The following PKHD1 variants were observed in gnomAD, a reference collection of about 807,000 sequenced individuals.
The protein encoded by PKHD1 is fibrocystin.
PKHD1 carries 291 observed loss-of-function variants against 412.0 expected under a neutral mutation model. That is an observed-to-expected ratio of 0.71 (90% CI 0.64 to 0.78). PKHD1 has a LOEUF of 0.78. PKHD1 is among the 30% of genes least tolerant of loss of function. PKHD1 has a pLI of 0.00. For missense variants in PKHD1, 4,825 were observed against 4,950.7 expected (o/e 0.97, Z 0.76); for synonymous variants, 1,777 against 1,821.5 (o/e 0.98, Z 0.62).
At chr6:51,685,114 G>A (rs2766122) in intron 60 of PKHD1, among the ~76,000 whole-genome samples, 8,649 of 152,032 alleles carry the variant, frequency 0.057, 303 homozygotes, top group Non-Finnish European at 0.081. Flanking sequence ...TAGTTTTCTG[G>A]GTCAATAGAA....
At chr6:51,792,037 A>T (rs540337522) in intron 52 of PKHD1, among the ~76,000 whole-genome samples, 1 of 152,290 alleles carries the variant, frequency 6.6e-6, no homozygotes, top group African/African-American at 2.4e-5. Context: ...TATTATTTTT[A>T]CTGTTGTCCC....
chr6:52,061,198 T>G lies in PKHD1; in HGVS notation c.1119-1156A>C, dbSNP rs372789553. On this transcript the variant is annotated intron_variant, in intron 14 of 66. Transcript: ENST00000371117. ...AACTGCCACATTTTTGTTTATTTGTTTCTTTGTTTAAAGACAGAGTCTCAC... is the reference window on the plus strand; with the variant it reads ...AACTGCCACATTTTTGTTTATTTGTGTCTTTGTTTAAAGACAGAGTCTCAC... Among the ~76,000 whole-genome samples, 26 of 152,276 alleles carry G rather than the reference T, an allele frequency of 1.7e-4. No individual in the cohort carries two copies. The East Asian group carries it at 1.9e-3, about 11-fold the overall frequency.
At chr6:52,042,087 A>G (rs903564277) in intron 27 of PKHD1, among the ~76,000 whole-genome samples, 3 of 152,206 alleles carry the variant, frequency 2.0e-5, no homozygotes, top group Admixed American at 1.3e-4. Flanking sequence ...TGAGCTCCAT[A>G]TATCATCTGA....
intron 60 of PKHD1, among the ~76,000 whole-genome samples, chr6:51,700,830 A>C (rs532311847): frequency 6.6e-6 from 1 of 152,240 alleles, no homozygotes; most frequent in South Asian, 2.1e-4. Context: ...TAGGCAAGCA[A>C]CTCAAAGAGT....
At chr6:52,047,295 G>A (rs1474318734) in intron 23 of PKHD1, among the ~76,000 whole-genome samples, 1 of 152,060 alleles carries the variant, frequency 6.6e-6, no homozygotes, top group Non-Finnish European at 1.5e-5. Flanking sequence ...TCAACACCTA[G>A]GGATCTTCGA....
intron 11 of PKHD1, among the ~76,000 whole-genome samples, chr6:52,068,736 C>T (rs1001599536): frequency 3.3e-5 from 5 of 152,204 alleles, no homozygotes; most frequent in Non-Finnish European, 4.4e-5. Flanking sequence ...CCCAAATAGA[C>T]TAGCAATACT....
chr6:51,814,959 C>G (rs1048197978), intron 52 of PKHD1, among the ~76,000 whole-genome samples: 8 of 151,862 alleles, frequency 5.3e-5, no homozygotes, highest in African/African-American at 1.9e-4. Flanking sequence ...TAGAATGATT[C>G]CCAGATTGAG....
chr6:51,968,768 A>G (rs1793220243), intron 35 of PKHD1, among the ~76,000 whole-genome samples: 1 of 152,172 alleles, frequency 6.6e-6, no homozygotes, highest in South Asian at 2.1e-4. Flanking sequence ...AGCCCAGAAA[A>G]ACATGGAACA....
chr6:51,706,360 C>T (rs1780015770), intron 60 of PKHD1, among the ~76,000 whole-genome samples: 1 of 151,888 alleles, frequency 6.6e-6, no homozygotes, highest in African/African-American at 2.4e-5. Context: ...ATAATGCTTC[C>T]AACCTGTCTA....
In PKHD1 at chr6:51,659,658, T is replaced by A. The variant is rs200104032; in HGVS notation, c.10468A>T (p.Ser3490Cys). ...VLRFFLLGNK[S>C]TSKLLLAVFY... Reference sequence around the variant, plus strand: ...ACAGCCAAGAGAAGCTTGGAGGTACTTTTGTTCCCCAATAGAAAAAAGCGC... The same window carrying A: ...ACAGCCAAGAGAAGCTTGGAGGTACATTTGTTCCCCAATAGAAAAAAGCGC... Residue 3490 changes from serine (S) to cysteine (C), a missense_variant, in exon 61 of 67, where the codon AGT (serine) becomes TGT (cysteine). By Grantham distance (112) the Ser-to-Cys change is moderately radical (BLOSUM62 -1). Transcript: ENST00000371117. 1 of 1,613,820 alleles carries A rather than the reference T, an allele frequency of 6.2e-7. No individual in the cohort carries two copies.
chr6:51,747,647 G>A, intron 58 of PKHD1, 140 bp downstream of exon 58: 2 of 700,420 alleles, frequency 2.9e-6, no homozygotes. Context: ...CTACCATTGT[G>A]GCTATCAATA....
At chr6:51,840,404 G>A (rs896275135) in intron 50 of PKHD1, among the ~76,000 whole-genome samples, 2 of 152,042 alleles carry the variant, frequency 1.3e-5, no homozygotes, top group Non-Finnish European at 2.9e-5. Context: ...GTGAATTTTG[G>A]GGGGGACAAA....
At chr6:51,677,035 C>A (rs1217833680) in intron 60 of PKHD1, among the ~76,000 whole-genome samples, 4 of 151,904 alleles carry the variant, frequency 2.6e-5, no homozygotes, top group Non-Finnish European at 2.9e-5. Flanking sequence ...TATTGAGGGA[C>A]CATAATATGG....
chr6:51,755,755 G>A (rs760573296), intron 55 of PKHD1, among the ~76,000 whole-genome samples: 1 of 152,134 alleles, frequency 6.6e-6, no homozygotes, highest in Non-Finnish European at 1.5e-5. Context: ...CTCCTCTATA[G>A]TGAATGTTCA....
intron 52 of PKHD1, among the ~76,000 whole-genome samples, chr6:51,821,654 GT>G (rs1165297817): frequency 6.6e-6 from 1 of 152,122 alleles, no homozygotes; most frequent in Non-Finnish European, 1.5e-5. Flanking sequence ...ATTGTGTTGT[GT>G]TTTTGTAATA....
chr6:51,768,656 A>T (rs1482695041), intron 55 of PKHD1, among the ~76,000 whole-genome samples: 1 of 151,914 alleles, frequency 6.6e-6, no homozygotes, highest in Non-Finnish European at 1.5e-5. Context: ...TATTTTCAAT[A>T]ATTGGATCTA....
In PKHD1 at chr6:51,617,103, A is replaced by C. The variant is rs956508188; in HGVS notation, c.*1978T>G. 2.5e-5 allele frequency: 4 copies of C among 159,934 alleles called. No homozygotes were observed. Among genetic ancestry groups the C allele is most frequent in the African/African-American group, 9.6e-5 (4 of 41,828 alleles). 9.9% of individuals were successfully genotyped at this position (159,934 alleles called of 1,614,324 possible). A position where few individuals can be genotyped will look rare whatever the true frequency, so the allele number is the denominator to read the frequency against. On this transcript the variant is annotated 3_prime_UTR_variant, in exon 67 of 67. Transcript: ENST00000371117. ...GGAAAAAAAACTTAAAAAGTGGTGA[A>C]AGAATCCGAGGAAATGAAAGAAAGC...
chr6:51,624,131 A>T (rs1261825419), intron 66 of PKHD1, among the ~76,000 whole-genome samples: 1 of 151,944 alleles, frequency 6.6e-6, no homozygotes, highest in Non-Finnish European at 1.5e-5. Flanking sequence ...TTCATAGCTC[A>T]CTGCAGCCTC....
chr6:51,784,228 A>C (rs1327641361), intron 53 of PKHD1, among the ~76,000 whole-genome samples: 6 of 151,774 alleles, frequency 4.0e-5, no homozygotes. Flanking sequence ...TGGAGACAGG[A>C]GAGGCTTCAT....
Sources: gnomAD v4.1 joint callset for allele counts (sites outside exome capture counted in the v4.1 genomes callset) on GRCh38, gnomAD v4.1.1 for gene constraint, MANE v1.5 for transcripts, NCBI Gene and HGNC (gene_info 2026-07-23, HGNC 2026-07-21) for gene names.